Variants in GREM2 observed in about 807,000 individuals in gnomAD.
GREM2 encodes the protein gremlin 2, DAN family BMP antagonist.
In GREM2, 11 loss-of-function variants were observed where a neutral mutation model predicts 14.2. That is an observed-to-expected ratio of 0.78 (90% CI 0.49 to 1.28). The LOEUF is 1.28. Ranked by LOEUF, GREM2 falls within the 50% of genes most tolerant of loss-of-function variation. The pLI is 0.00. For synonymous variants in GREM2, 98 were observed against 97.6 expected, an observed-to-expected ratio of 1.00 and a Z score of -0.02; for missense variants, 210 against 218.5, an observed-to-expected ratio of 0.96 and a Z score of 0.24.
At chr1:240,604,695 C>T (rs775359972) in intron 1 of GREM2, among the ~76,000 whole-genome samples, 15 of 152,220 alleles carry the variant, frequency 9.9e-5, no homozygotes, top group South Asian at 2.1e-4. Flanking sequence ...TGGTGGCTCC[C>T]GCCTATAATC....
intron 1 of GREM2, among the ~76,000 whole-genome samples, chr1:240,504,811 G>T (rs1014667663): frequency 5.3e-5 from 8 of 151,928 alleles, no homozygotes; most frequent in African/African-American, 1.9e-4. Flanking sequence ...TTTTTTTCAC[G>T]TCTAAGTTTG....
At chr1:240,510,369 C>CAAAAAAAAAAA (rs71170753) in intron 1 of GREM2, among the ~76,000 whole-genome samples, 1 of 59,540 alleles carries the variant, frequency 1.7e-5, no homozygotes, top group Non-Finnish European at 3.0e-5. Flanking sequence ...GACTCCGTCG[C>CAAAAAAAAAAA]AAAAAAAAAA....
rs1677268012 is a variant in GREM2 at position 240,492,187 on chromosome 1, T to C, written c.*782A>G. 2.2e-6 allele frequency: 1 copy of C among 451,978 alleles called. No homozygotes were observed. Among genetic ancestry groups the C allele is most frequent in the Admixed American group, 2.4e-5 (1 of 42,198 alleles). 28.0% of individuals were successfully genotyped at this position (451,978 alleles called of 1,614,324 possible). ...ACCAGCGTTAATATAGAGACCTTTG[T>C]GTGTGATAATATTCTAATTGCAGCA... On this transcript the variant is annotated 3_prime_UTR_variant, in exon 2 of 2. Transcript: ENST00000318160.
At chr1:240,503,501 G>A (rs957561045) in intron 1 of GREM2, among the ~76,000 whole-genome samples, 2 of 152,186 alleles carry the variant, frequency 1.3e-5, no homozygotes, top group African/African-American at 2.4e-5. Context: ...ACCCTTTAAA[G>A]ATTTCTCGTC....
chr1:240,560,489 T>TC (rs2103349586), intron 1 of GREM2, among the ~76,000 whole-genome samples: 1 of 152,236 alleles, frequency 6.6e-6, no homozygotes. Context: ...GTTTAGCACA[T>TC]CATAGGTGGT....
At chr1:240,605,298 A>T (rs1356965874) in intron 1 of GREM2, among the ~76,000 whole-genome samples, 3 of 152,188 alleles carry the variant, frequency 2.0e-5, no homozygotes. Flanking sequence ...AGGAACAAGC[A>T]TTCCAAACAT....
chr1:240,566,307 A>G (rs114535943), intron 1 of GREM2, among the ~76,000 whole-genome samples: 1 of 152,276 alleles, frequency 6.6e-6, no homozygotes, highest in Non-Finnish European at 1.5e-5. Flanking sequence ...ACCAGAACAA[A>G]CCAGACAAAA....
Position 240,585,903 on chromosome 1 carries a change from A to T in GREM2, c.-2+25981T>A, listed in dbSNP as rs577360025. 2.0e-5 allele frequency among the ~76,000 whole-genome samples: 3 copies of T among 152,086 alleles called. No individual in the cohort carries two copies. In the South Asian group the frequency reaches 6.2e-4, roughly 32 times the overall value. ...AAGGGAAAGGAAGCTTGTGCATTTA[A>T]AAAGAACTTGCATCTGATGAGTTGC... On this transcript the variant is annotated intron_variant, in intron 1 of 1. Coordinates refer to ENST00000318160, the MANE Select transcript of GREM2 (RefSeq NM_022469.4).
intron 1 of GREM2, among the ~76,000 whole-genome samples, chr1:240,521,416 A>C (rs1678089467): frequency 6.6e-6 from 1 of 151,578 alleles, no homozygotes; most frequent in Non-Finnish European, 1.5e-5. Context: ...AAAATACAAA[A>C]AACAATTAGC....
At chr1:240,499,407 GGCTGAATA>G (rs1192706130) in intron 1 of GREM2, among the ~76,000 whole-genome samples, 1 of 152,156 alleles carries the variant, frequency 6.6e-6, no homozygotes, top group Non-Finnish European at 1.5e-5. Flanking sequence ...AAGTCCCCAG[GGCTGAATA>G]GCTGAATACT....
chr1:240,524,954 C>G (rs373231175), intron 1 of GREM2, among the ~76,000 whole-genome samples: 1 of 152,124 alleles, frequency 6.6e-6, no homozygotes, highest in South Asian at 2.1e-4. Flanking sequence ...TAGTTCTCAC[C>G]TCCTGTCCCA....
intron 1 of GREM2, among the ~76,000 whole-genome samples, chr1:240,522,965 A>T (rs1678136173): frequency 6.6e-6 from 1 of 152,248 alleles, no homozygotes; most frequent in Non-Finnish European, 1.5e-5. Flanking sequence ...AAAAGAAGAC[A>T]GTGCTATTTA....
rs748962828 is a variant in GREM2 at position 240,490,235 on chromosome 1, T to A, written c.*2734A>T. ...CCAGCACAGTGAGAATACTCTGTCT[T>A]CAGCTGGCAGGGGATGTGGAAGAGG... On this transcript the variant is annotated 3_prime_UTR_variant, in exon 2 of 2. Coordinates refer to ENST00000318160, the MANE Select transcript of GREM2 (RefSeq NM_022469.4). 3.9e-5 allele frequency: 6 copies of A among 152,256 alleles called. No homozygotes were observed. Among genetic ancestry groups the A allele is most frequent in the Non-Finnish European group, 7.3e-5 (5 of 68,048 alleles). 9.4% of individuals were successfully genotyped at this position (152,256 alleles called of 1,614,324 possible). A position where few individuals can be genotyped will look rare whatever the true frequency, so the allele number is the denominator to read the frequency against.
chr1:240,504,427 T>C (rs74149146), intron 1 of GREM2, among the ~76,000 whole-genome samples: 3,090 of 152,284 alleles, frequency 0.02, 113 homozygotes, highest in African/African-American at 0.07. Flanking sequence ...TTTAGGGGAA[T>C]CAATATACAA....
At position 240,490,477 on chromosome 1, in the gene GREM2, C is replaced by T. The variant is rs1572357933; in HGVS notation, c.*2492G>A. 6.6e-6 allele frequency: 1 copy of T among 152,574 alleles called. No individual in the cohort carries two copies. Among genetic ancestry groups the T allele is most frequent in the Admixed American group, 6.5e-5 (1 of 15,276 alleles). 9.5% of individuals were successfully genotyped at this position (152,574 alleles called of 1,614,324 possible). A position where few individuals can be genotyped will look rare whatever the true frequency, so the allele number is the denominator to read the frequency against. Reference sequence around the variant, plus strand: ...AGTCAAAAATTCCACTTTTATGGCACGTCACACCGGGATCACATATAATCC... The same window carrying T: ...AGTCAAAAATTCCACTTTTATGGCATGTCACACCGGGATCACATATAATCC... On this transcript the variant is annotated 3_prime_UTR_variant, in exon 2 of 2. Transcript: ENST00000318160.
chr1:240,516,517 C>T (rs536762125), intron 1 of GREM2, among the ~76,000 whole-genome samples: 1 of 152,222 alleles, frequency 6.6e-6, no homozygotes, highest in South Asian at 2.1e-4. Context: ...ATTAGAAGAG[C>T]ATTTATGAGG....
intron 1 of GREM2, among the ~76,000 whole-genome samples, chr1:240,503,783 C>T (rs1466471766): frequency 3.9e-5 from 6 of 152,084 alleles, no homozygotes; most frequent in Admixed American, 2.0e-4. Context: ...TTCCTGTGCT[C>T]TTTATTTTCG....
intron 1 of GREM2, among the ~76,000 whole-genome samples, chr1:240,577,650 C>T (rs182428302): frequency 6.6e-6 from 1 of 152,284 alleles, no homozygotes; most frequent in Non-Finnish European, 1.5e-5. Flanking sequence ...GAAATTATTA[C>T]AGTTTGGGAT....
intron 1 of GREM2, among the ~76,000 whole-genome samples, chr1:240,577,520 T>C (rs1391056215): frequency 6.6e-6 from 1 of 152,200 alleles, no homozygotes; most frequent in Non-Finnish European, 1.5e-5. Context: ...TACATATGCA[T>C]GTAAGAGTGA....
Sources: allele counts gnomAD v4.1 joint callset (sites outside exome capture counted in the v4.1 genomes callset), GRCh38; gene constraint gnomAD v4.1.1; transcripts MANE v1.5; gene names NCBI Gene and HGNC (gene_info 2026-07-23, HGNC 2026-07-21).